TESK2: variants seen among roughly 807,000 people sequenced by gnomAD.
TESK2 encodes the protein testis associated actin remodelling kinase 2.
Under a neutral mutation model 57.1 loss-of-function variants are expected in TESK2, and 39 were observed. That is an observed-to-expected ratio of 0.68 (90% confidence interval 0.53 to 0.89). TESK2 has a LOEUF of 0.89. Ranked by LOEUF, TESK2 falls within the 40% of genes least tolerant of loss-of-function variation. TESK2 has a pLI of 0.00. For missense variants in TESK2, 646 were observed against 732.1 expected, an observed-to-expected ratio of 0.88 and a Z score of 1.36; for synonymous variants, 249 against 267.9, an observed-to-expected ratio of 0.93 and a Z score of 0.69.
At chr1:45,358,101 C>G (rs1487541817) in intron 4 of TESK2, among the ~76,000 whole-genome samples, 1 of 150,006 alleles carries the variant, frequency 6.7e-6, no homozygotes, top group Non-Finnish European at 1.5e-5. Flanking sequence ...ATCACGAGGT[C>G]AGGAGATCGA....
At chr1:45,457,516 A>T in intron 2 of TESK2, 48 bp downstream of exon 2, 2 of 1,559,594 alleles carry the variant, frequency 1.3e-6, no homozygotes, top group Admixed American at 3.4e-5. Context: ...ACCTGCAGTA[A>T]ATGTGACCAC....
At chr1:45,374,686 G>A (rs1019911128) in intron 4 of TESK2, among the ~76,000 whole-genome samples, 4 of 152,038 alleles carry the variant, frequency 2.6e-5, no homozygotes, top group Non-Finnish European at 5.9e-5. Flanking sequence ...ATATGAACAA[G>A]GAAGGTATCA....
chr1:45,415,327 G>A, intron 3 of TESK2: 1 of 1,110,680 alleles, frequency 9.0e-7, no homozygotes, highest in Non-Finnish European at 1.4e-6. Context: ...CACCATTGCT[G>A]ACTGTGGACA....
chr1:45,423,886 T>C (rs2149287784), intron 2 of TESK2, among the ~76,000 whole-genome samples: 1 of 152,336 alleles, frequency 6.6e-6, no homozygotes, highest in East Asian at 1.9e-4. Context: ...TTTCACCCTG[T>C]AAATGTGGTC....
intron 3 of TESK2, among the ~76,000 whole-genome samples, chr1:45,418,132 A>C (rs1047746667): frequency 6.6e-6 from 1 of 152,238 alleles, no homozygotes; most frequent in Non-Finnish European, 1.5e-5. Flanking sequence ...GATTAAGGGC[A>C]AGTTTTATTT....
chr1:45,362,876 A>G (rs534160863), intron 4 of TESK2, among the ~76,000 whole-genome samples: 5 of 152,288 alleles, frequency 3.3e-5, no homozygotes, highest in African/African-American at 1.2e-4. Context: ...GATGCCATAC[A>G]ATCAACTAAC....
chr1:45,398,203 C>G (rs1303473028), intron 3 of TESK2, among the ~76,000 whole-genome samples: 2 of 152,144 alleles, frequency 1.3e-5, no homozygotes, highest in African/African-American at 4.8e-5. Flanking sequence ...GCCACTGTGC[C>G]TGGCCTGTCA....
intron 2 of TESK2, among the ~76,000 whole-genome samples, chr1:45,443,401 C>T (rs1392604422): frequency 2.1e-5 from 3 of 144,102 alleles, no homozygotes; most frequent in African/African-American, 7.9e-5. Flanking sequence ...CCCATCTCTA[C>T]TAAAAAATAC....
intron 4 of TESK2, among the ~76,000 whole-genome samples, chr1:45,357,238 T>TG (rs1557541486): frequency 6.0e-5 from 9 of 150,646 alleles, no homozygotes; most frequent in African/African-American, 2.0e-4. Context: ...AATAAATAAA[T>TG]AAATGTATGT....
At chr1:45,412,057 T>C (rs1650058023) in intron 3 of TESK2, among the ~76,000 whole-genome samples, 1 of 152,164 alleles carries the variant, frequency 6.6e-6, no homozygotes, top group Non-Finnish European at 1.5e-5. Flanking sequence ...AATTAGGAAA[T>C]TGTGGAGCTG....
chr1:45,481,140 C>T (rs1309499773), intron 1 of TESK2, among the ~76,000 whole-genome samples: 2 of 151,720 alleles, frequency 1.3e-5, no homozygotes, highest in Admixed American at 1.3e-4. Flanking sequence ...CCGAGGTGGG[C>T]GGATCACGAG....
At chr1:45,427,044 A>T (rs1185665061) in intron 2 of TESK2, among the ~76,000 whole-genome samples, 1 of 152,048 alleles carries the variant, frequency 6.6e-6, no homozygotes, top group Non-Finnish European at 1.5e-5. Flanking sequence ...GGAGTTGGAG[A>T]CCAGCCTGGC....
chr1:45,430,678 T>A (rs559533705), intron 2 of TESK2, among the ~76,000 whole-genome samples: 1 of 152,304 alleles, frequency 6.6e-6, no homozygotes, highest in East Asian at 1.9e-4. Context: ...GGCACATGAC[T>A]TTTGGGTTTG....
intron 2 of TESK2, among the ~76,000 whole-genome samples, chr1:45,449,244 A>G (rs1651776157): frequency 6.6e-6 from 1 of 151,926 alleles, no homozygotes; most frequent in Non-Finnish European, 1.5e-5. Context: ...AAGAAAAAAA[A>G]AAAGGAATGC....
chr1:45,466,714 A>T (rs1382740080), intron 1 of TESK2, among the ~76,000 whole-genome samples: 1 of 150,210 alleles, frequency 6.7e-6, no homozygotes, highest in African/African-American at 2.4e-5. Flanking sequence ...TAGCATAGTC[A>T]TGAATGCTAT....
chr1:45,417,310 C>T (rs987687715), intron 3 of TESK2, among the ~76,000 whole-genome samples: 1 of 152,088 alleles, frequency 6.6e-6, no homozygotes. Context: ...CAGCTCACTG[C>T]AACCTCTGCC....
intron 2 of TESK2, among the ~76,000 whole-genome samples, chr1:45,432,653 T>C (rs991855178): frequency 6.8e-6 from 1 of 146,800 alleles, no homozygotes; most frequent in Non-Finnish European, 1.5e-5. Flanking sequence ...ATCAAGCCAC[T>C]GCACTCCAGC....
intron 2 of TESK2, among the ~76,000 whole-genome samples, chr1:45,451,870 C>T (rs574457570): frequency 3.6e-4 from 55 of 151,576 alleles, no homozygotes; most frequent in South Asian, 6.3e-4. Flanking sequence ...CCTGTCTCTA[C>T]AAAAATATAA....
At chr1:45,410,893 A>G (rs1334635948) in intron 3 of TESK2, among the ~76,000 whole-genome samples, 1 of 152,054 alleles carries the variant, frequency 6.6e-6, no homozygotes, top group Non-Finnish European at 1.5e-5. Flanking sequence ...CTCCAACCTC[A>G]AGCTGTTTGT....
Sources: gnomAD v4.1 joint callset for allele counts (sites outside exome capture counted in the v4.1 genomes callset) on GRCh38, gnomAD v4.1.1 for gene constraint, MANE v1.5 for transcripts, NCBI Gene and HGNC (gene_info 2026-07-23, HGNC 2026-07-21) for gene names.